The following ADGRB3 variants were observed in gnomAD, a reference collection of about 807,000 sequenced individuals.
ADGRB3 encodes brain-specific angiogenesis inhibitor 3.
A neutral mutation model predicts 193.4 loss-of-function variants in ADGRB3; 37 were observed. The observed-to-expected ratio is 0.19, with a 90% CI of 0.15 to 0.25. ADGRB3 has a LOEUF of 0.25. Among genes scored for constraint, ADGRB3 ranks in the 10% least tolerant of loss-of-function variants. The probability of loss-of-function intolerance (pLI) is 1.00; values close to 1 mark genes in which losing one functional copy is unlikely to be tolerated. For synonymous variants in ADGRB3, 690 were observed against 644.2 expected, an observed-to-expected ratio of 1.07 and a Z score of -1.08; for missense variants, 1,637 against 1,852.9, an observed-to-expected ratio of 0.88 and a Z score of 2.14.
chr6:68,974,642 A>T, intron 8 of ADGRB3, 121 bp from the exon 9 acceptor site: 5 of 720,264 alleles, frequency 6.9e-6, no homozygotes, highest in Non-Finnish European at 1.1e-5. Flanking sequence ...CTCTAAAAAA[A>T]AGAAAGAAAA....
chr6:68,999,705 A>G (rs1769509942), intron 11 of ADGRB3, among the ~76,000 whole-genome samples: 1 of 152,164 alleles, frequency 6.6e-6, no homozygotes, highest in Non-Finnish European at 1.5e-5. Context: ...GAAATCTTGT[A>G]AACATCCGTA....
chr6:68,888,355 C>T lies in ADGRB3; in HGVS notation c.758-42204C>T, dbSNP rs145379957. Among the ~76,000 whole-genome samples, 256 of 152,064 alleles carry T rather than the reference C, an allele frequency of 1.7e-3. 3 individuals carry two copies. The highest frequency in any genetic ancestry group is 5.9e-3 in the African/African-American group (244 of 41,480). ...ATTAAATAATTTGTTTCGTAATGGA[C>T]GGTTGAATTCATTCTTGTATTTTTC... On this transcript the variant is annotated intron_variant, in intron 3 of 31. Transcript: ENST00000370598.
intron 17 of ADGRB3, among the ~76,000 whole-genome samples, chr6:69,182,537 G>T (rs1775614637): frequency 1.3e-5 from 2 of 152,042 alleles, no homozygotes; most frequent in East Asian, 1.9e-4. Context: ...CTTAATTTTT[G>T]ATTATTTGTT....
chr6:69,330,739 T>C (rs1369837772), intron 23 of ADGRB3, among the ~76,000 whole-genome samples, 167 bp downstream of exon 23: 1 of 152,194 alleles, frequency 6.6e-6, no homozygotes, highest in Non-Finnish European at 1.5e-5. Context: ...CCTTTATTAT[T>C]CTAAAATATT....
At chr6:68,651,054 C>A (rs905773667) in intron 3 of ADGRB3, among the ~76,000 whole-genome samples, 1 of 152,180 alleles carries the variant, frequency 6.6e-6, no homozygotes, top group Non-Finnish European at 1.5e-5. Flanking sequence ...AATCTTTCCA[C>A]ATAAATCTGG....
At chr6:69,338,022 C>T (rs980656934) in intron 24 of ADGRB3, among the ~76,000 whole-genome samples, 13 of 151,992 alleles carry the variant, frequency 8.6e-5, no homozygotes, top group Non-Finnish European at 1.5e-5. Flanking sequence ...TTGGTTTTTC[C>T]TAAAAGGTTT....
At chr6:68,904,080 C>A (rs62416436) in intron 3 of ADGRB3, among the ~76,000 whole-genome samples, 4 of 52,312 alleles carry the variant, frequency 7.6e-5, no homozygotes, top group Non-Finnish European at 1.0e-4. Flanking sequence ...GGAGGGAGGG[C>A]TGGAGGGCGG....
chr6:69,073,854 C>T (rs745992741), intron 16 of ADGRB3, among the ~76,000 whole-genome samples: 4 of 152,124 alleles, frequency 2.6e-5, no homozygotes, highest in African/African-American at 4.8e-5. Context: ...TGGCCACTGG[C>T]AGAGTCATGG....
intron 10 of ADGRB3, among the ~76,000 whole-genome samples, chr6:68,990,528 A>C (rs1183183910): frequency 6.6e-6 from 1 of 152,136 alleles, no homozygotes; most frequent in African/African-American, 2.4e-5. Context: ...CCTTCTAAGC[A>C]GCTGTCAGAT....
intron 10 of ADGRB3, among the ~76,000 whole-genome samples, chr6:68,985,129 C>G (rs2150270787): frequency 6.6e-6 from 1 of 152,190 alleles, no homozygotes; most frequent in East Asian, 1.9e-4. Context: ...TATGATTTTT[C>G]TCCAACAAAG....
intron 17 of ADGRB3, among the ~76,000 whole-genome samples, chr6:69,203,250 C>A (rs981533744): frequency 5.9e-5 from 9 of 152,120 alleles, no homozygotes; most frequent in African/African-American, 2.2e-4. Flanking sequence ...CCTGGTACAT[C>A]AGATCATTAC....
chr6:69,323,271 TAGAA>T (rs1161117397), intron 20 of ADGRB3, among the ~76,000 whole-genome samples: 1 of 151,978 alleles, frequency 6.6e-6, no homozygotes. Context: ...ACTAATGACT[TAGAA>T]AGGTTATCTA....
intron 3 of ADGRB3, among the ~76,000 whole-genome samples, chr6:68,825,636 T>C (rs1309917582): frequency 1.3e-5 from 2 of 152,062 alleles, no homozygotes; most frequent in Non-Finnish European, 2.9e-5. Context: ...AGAGACCAGG[T>C]GGAGGTAGTT....
chr6:68,712,956 A>G (rs1345744767), intron 3 of ADGRB3, among the ~76,000 whole-genome samples: 2 of 151,882 alleles, frequency 1.3e-5, no homozygotes, highest in Non-Finnish European at 2.9e-5. Flanking sequence ...ATTTTGGTCA[A>G]TTTAGTAGAT....
At chr6:69,146,378 A>G (rs1480209090) in intron 17 of ADGRB3, among the ~76,000 whole-genome samples, 1 of 152,226 alleles carries the variant, frequency 6.6e-6, no homozygotes, top group Non-Finnish European at 1.5e-5. Flanking sequence ...GGCACTTCTG[A>G]GCCTGAGAAG....
intron 14 of ADGRB3, 150 bp from the exon 15 acceptor site, chr6:69,049,121 A>G: frequency 1.8e-6 from 1 of 556,112 alleles, no homozygotes; most frequent in Non-Finnish European, 3.1e-6. Context: ...GCTACCATTA[A>G]TGTGCATGGT....
At chr6:68,975,065 T>G (rs753221539) in intron 9 of ADGRB3, among the ~76,000 whole-genome samples, 169 bp from the exon 10 acceptor site, 1 of 152,214 alleles carries the variant, frequency 6.6e-6, no homozygotes, top group East Asian at 1.9e-4. Context: ...TGTAATTGTT[T>G]CTCAGTGTGA....
chr6:69,031,545 CTTTCTTTT>C (rs1562129403), intron 13 of ADGRB3, among the ~76,000 whole-genome samples: 1 of 60,908 alleles, frequency 1.6e-5, no homozygotes, highest in African/African-American at 4.2e-5. Context: ...TTCTTTCTTT[CTTTCTTTT>C]TCTTTCTTTC....
At chr6:69,380,029 T>A (rs1413535994) in intron 30 of ADGRB3, among the ~76,000 whole-genome samples, 3 of 152,012 alleles carry the variant, frequency 2.0e-5, no homozygotes, top group Non-Finnish European at 2.9e-5. Flanking sequence ...TGTATACTTT[T>A]TAGACTTTCA....
Sources: gnomAD v4.1 joint callset for allele counts (sites outside exome capture counted in the v4.1 genomes callset) on GRCh38, gnomAD v4.1.1 for gene constraint, MANE v1.5 for transcripts, NCBI Gene and HGNC (gene_info 2026-07-23, HGNC 2026-07-21) for gene names.